The following CYGB variants were observed in gnomAD, a reference collection of about 807,000 sequenced individuals.
CYGB encodes the protein cytoglobin.
In CYGB, 13 loss-of-function variants were observed where a neutral mutation model predicts 20.7. The ratio of observed to expected loss-of-function variants is 0.63; its 90% CI spans 0.41 to 1.00. The LOEUF is 1.00. Ranked by LOEUF, CYGB falls within the 50% of genes least tolerant of loss-of-function variation. The pLI is 0.00. For synonymous variants in CYGB, 93 were observed against 107.4 expected, an observed-to-expected ratio of 0.87 and a Z score of 0.83; for missense variants, 218 against 257.2, an observed-to-expected ratio of 0.85 and a Z score of 1.04.
chr17:76,542,882 G>A (rs766056137), intron 1 of CYGB: 195 of 603,346 alleles, frequency 3.2e-4, no homozygotes, highest in Non-Finnish European at 5.2e-4. Context: ...CTAGGCTTGG[G>A]GATGGCGAGG....
In CYGB at chr17:76,533,648, G is replaced by A. The variant is rs1398820425; in HGVS notation, c.144-1957C>T. ...TAAAGTGGGAGGATCACTTGAACCC[G>A]GGAGGCCAAGGCTGCAGGGAGCCAA... On this transcript the variant is annotated intron_variant, in intron 1 of 3. Transcript: ENST00000293230. This position sits in a 1 kb window ranked among gnomAD's most constrained non-coding sequence, Gnocchi z 4.5. 3.9e-5 allele frequency among the ~76,000 whole-genome samples: 6 copies of A among 152,048 alleles called. No individual in the cohort carries two copies. Among genetic ancestry groups the A allele is most frequent in the Admixed American group, 1.3e-4 (2 of 15,252 alleles).
chr17:76,531,697 A>G lies in CYGB; in HGVS notation c.144-6T>C. 4 of 1,588,922 alleles carry G rather than the reference A, an allele frequency of 2.5e-6. No homozygotes were observed. The highest frequency in any genetic ancestry group is 3.4e-6 in the Non-Finnish European group (4 of 1,161,174). ...AGGGGAAGTTCACAAAGAACCTGGCAAGAGGAACAGGGGTGGTCGCTGAAG... is the reference window on the plus strand; with the variant it reads ...AGGGGAAGTTCACAAAGAACCTGGCGAGAGGAACAGGGGTGGTCGCTGAAG... On this transcript the variant is annotated splice_polypyrimidine_tract_variant and splice_region_variant and intron_variant, in intron 1 of 3. Coordinates refer to ENST00000293230, the MANE Select transcript of CYGB (RefSeq NM_134268.5). The surrounding 1 kb of genome is among the most constrained non-coding windows in gnomAD (Gnocchi z 7.4).
At chr17:76,535,464 G>A (rs1438615275) in intron 1 of CYGB, among the ~76,000 whole-genome samples, 2 of 152,168 alleles carry the variant, frequency 1.3e-5, no homozygotes, top group East Asian at 1.9e-4. Flanking sequence ...AGAGACAGGA[G>A]GAGAGAAAAA....
chr17:76,534,143 TCTTTC>T (rs2074885639), intron 1 of CYGB, among the ~76,000 whole-genome samples: 1 of 111,050 alleles, frequency 9.0e-6, no homozygotes, highest in African/African-American at 3.8e-5. Context: ...TCTCTCTTTC[TCTTTC>T]TCTCTCTCTC....
chr17:76,528,189 G>C lies in CYGB; in HGVS notation c.*389C>G. 2.5e-6 allele frequency: 1 copy of C among 397,780 alleles called. No individual in the cohort carries two copies. The highest frequency in any genetic ancestry group is 4.4e-6 in the Non-Finnish European group (1 of 226,252). 24.6% of individuals were successfully genotyped at this position (397,780 alleles called of 1,614,324 possible). On this transcript the variant is annotated 3_prime_UTR_variant, in exon 4 of 4. Coordinates refer to ENST00000293230, the MANE Select transcript of CYGB (RefSeq NM_134268.5). This position sits in a 1 kb window ranked among gnomAD's most constrained non-coding sequence, Gnocchi z 5.8. ...GAATATATCTGTATATATGGTAGAT[G>C]TGTGCGTGATACTCTAGATGGTGAT...
At chr17:76,536,052 C>T (rs1356474718) in intron 1 of CYGB, among the ~76,000 whole-genome samples, 1 of 152,164 alleles carries the variant, frequency 6.6e-6, no homozygotes, top group Non-Finnish European at 1.5e-5. Context: ...GTGTGGGTGC[C>T]AGCACCTGTG....
chr17:76,540,020 C>A, upstream of CYGB: 2 of 1,036,818 alleles, frequency 1.9e-6, no homozygotes, highest in Non-Finnish European at 2.9e-6. The surrounding 1 kb of genome is among the most constrained non-coding windows in gnomAD (Gnocchi z 5.0). Flanking sequence ...CCTCCTAATC[C>A]ATCCCCAGCA....
rs946504730 is a variant in CYGB at position 76,528,934 on chromosome 17, C to T, written c.540-323G>A. ...ACGATACCAATGTGAGCTCTTTTTC[C>T]ATTAATTCTGAAACGTGGCGCATTC... On this transcript the variant is annotated intron_variant, in intron 3 of 3. Coordinates refer to ENST00000293230, the MANE Select transcript of CYGB (RefSeq NM_134268.5). This position sits in a 1 kb window ranked among gnomAD's most constrained non-coding sequence, Gnocchi z 5.8. 39 of 1,134,922 alleles carry T rather than the reference C, an allele frequency of 3.4e-5. No homozygotes were observed. The highest frequency in any genetic ancestry group is 4.0e-5 in the Non-Finnish European group (37 of 927,198). The allele number at this position is 1,134,922 out of a possible 1,614,324, so 70.3% of individuals were successfully genotyped here.
At chr17:76,536,311 A>T (rs532213139) in intron 1 of CYGB, among the ~76,000 whole-genome samples, 2 of 152,192 alleles carry the variant, frequency 1.3e-5, no homozygotes, top group African/African-American at 4.8e-5. Context: ...CAGGGAGAAG[A>T]AGCTGGAGAT....
chr17:76,540,244 G>C, upstream of CYGB: 1 of 1,437,554 alleles, frequency 7.0e-7, no homozygotes, highest in Non-Finnish European at 9.5e-7. The surrounding 1 kb of genome is among the most constrained non-coding windows in gnomAD (Gnocchi z 5.0). Context: ...TATGGCTGGC[G>C]GTTGGTCGGG....
chr17:76,532,530 CTTTTTTT>C (rs111936272), intron 1 of CYGB, among the ~76,000 whole-genome samples: 1 of 125,728 alleles, frequency 8.0e-6, no homozygotes, highest in Non-Finnish European at 1.7e-5. Flanking sequence ...ATGACAATGG[CTTTTTTT>C]TTTTTTTTTT....
upstream of CYGB, chr17:76,542,515 G>A: frequency 1.2e-6 from 2 of 1,613,848 alleles, no homozygotes; most frequent in East Asian, 4.5e-5. Flanking sequence ...GGAAGGTCGT[G>A]CCCTTCAATC....
intron 1 of CYGB, chr17:76,550,265 CTT>C (rs1279616888): frequency 5.3e-5 from 7 of 130,986 alleles, no homozygotes; most frequent in Non-Finnish European, 3.3e-5. Context: ...CTAGAAGGTT[CTT>C]TTTTTTTTTT....
Position 76,537,706 on chromosome 17 carries a change from G to T in CYGB, c.-164C>A. ...GTGTGTCTGTGCGCGCCGGGTGTGT[G>T]TGTGTGTGTGCGTGCGTGTGTGCAG... On this transcript the variant is annotated 5_prime_UTR_variant, in exon 1 of 4. Transcript: ENST00000293230. 1 of 489,456 alleles carries T rather than the reference G, an allele frequency of 2.0e-6. No homozygotes were observed. Among genetic ancestry groups the T allele is most frequent in the Non-Finnish European group, 2.6e-6 (1 of 377,446 alleles). 30.3% of individuals were successfully genotyped at this position (489,456 alleles called of 1,614,324 possible). A position where few individuals can be genotyped will look rare whatever the true frequency, so the allele number is the denominator to read the frequency against.
chr17:76,540,710 T>TCCCTGTC, upstream of CYGB: 1 of 840,668 alleles, frequency 1.2e-6, no homozygotes, highest in Non-Finnish European at 2.0e-6. The surrounding 1 kb of genome is among the most constrained non-coding windows in gnomAD (Gnocchi z 5.0). Flanking sequence ...AGCACCCTGC[T>TCCCTGTC]CCCTGTCCGC....
rs753755385 is a variant in CYGB at position 76,531,553 on chromosome 17, C to G, written c.282G>C (p.Glu94Asp). 1 of 1,614,172 alleles carries G rather than the reference C, an allele frequency of 6.2e-7. No individual in the cohort carries two copies. The highest frequency in any genetic ancestry group is 8.5e-7 in the Non-Finnish European group (1 of 1,179,988). The stretch of plus-strand genomic sequence containing the variant: ...ACACCTTGTCGGGGTCATGCAGGTT[C>G]TCCACGACAGTGTTGAGGGCCCCCA... ...RVMGALNTVV[E>D]NLHDPDKVSS... is the part of the protein sequence containing the mutation. The change falls in exon 2 of 4, where the codon GAG (glutamate) becomes GAC (aspartate). Residue 94 changes from glutamate (E) to aspartate (D), a missense_variant. Coordinates refer to ENST00000293230, the MANE Select transcript of CYGB (RefSeq NM_134268.5). This position sits in a 1 kb window ranked among gnomAD's most constrained non-coding sequence, Gnocchi z 7.4.
chr17:76,527,432 C>G lies in CYGB; in HGVS notation c.*1146G>C. The G allele has an allele frequency of 2.7e-6, 1 of 367,314 alleles. No individual in the cohort carries two copies. Among genetic ancestry groups the G allele is most frequent in the Admixed American group, 3.6e-5 (1 of 27,692 alleles). 22.8% of individuals were successfully genotyped at this position (367,314 alleles called of 1,614,324 possible). A position where few individuals can be genotyped will look rare whatever the true frequency, so the allele number is the denominator to read the frequency against. On this transcript the variant is annotated 3_prime_UTR_variant, in exon 4 of 4. Transcript: ENST00000293230. ...TCAGAAACTAGAAAAGGAGGACGGG[C>G]GGTTGCACAGATGAGGATGAGGATG... is the stretch of plus-strand genomic sequence containing the variant.
chr17:76,545,399 T>G (rs2075044828), intron 1 of CYGB: 2 of 456,332 alleles, frequency 4.4e-6, no homozygotes, highest in Non-Finnish European at 8.8e-6. Flanking sequence ...GAGTCCTTTT[T>G]CATCCCTTTC....
chr17:76,530,079 C>A lies in CYGB; in HGVS notation c.539+900G>T, dbSNP rs1316843426. ...CCGTGCAGAGCCCGGCGGGAGACGC[C>A]GCCTTTTCCATGGGAAACTGCTGGG... On this transcript the variant is annotated intron_variant, in intron 3 of 3. Transcript: ENST00000293230. This position sits in a 1 kb window ranked among gnomAD's most constrained non-coding sequence, Gnocchi z 6.1. 1 of 984,404 alleles carries A rather than the reference C, an allele frequency of 1.0e-6. No individual in the cohort carries two copies. The highest frequency in any genetic ancestry group is 1.2e-6 in the Non-Finnish European group (1 of 829,192). 61.0% of individuals were successfully genotyped at this position (984,404 alleles called of 1,614,324 possible).
Sources: gnomAD v4.1 joint callset for allele counts (sites outside exome capture counted in the v4.1 genomes callset) on GRCh38, gnomAD v4.1.1 for gene constraint, Gnocchi (gnomAD v3.1) non-coding constraint, MANE v1.5 for transcripts, NCBI Gene and HGNC (gene_info 2026-07-23, HGNC 2026-07-21) for gene names.